The following RALB variants were observed in gnomAD, a reference collection of about 807,000 sequenced individuals.
The protein encoded by RALB is RAS like proto-oncogene B, also known as ras-related protein Ral-B.
RALB carries 16 observed loss-of-function variants against 21.3 expected under a neutral mutation model. That is an observed-to-expected ratio of 0.75 (90% CI 0.51 to 1.14). RALB has a LOEUF of 1.14. RALB is among the 50% of genes most tolerant of loss of function. The pLI, the probability that RALB is intolerant of heterozygous loss-of-function variation, is 0.00. For missense variants in RALB, 161 were observed against 256.2 expected, an observed-to-expected ratio of 0.63 and a Z score of 2.54; for synonymous variants, 93 against 96.1, an observed-to-expected ratio of 0.97 and a Z score of 0.19.
chr2:120,256,870 T>C (rs1023913176), intron 1 of RALB, among the ~76,000 whole-genome samples: 3 of 152,174 alleles, frequency 2.0e-5, no homozygotes, highest in Non-Finnish European at 2.9e-5. Context: ...CACAACTTTT[T>C]TAAGGTTTAG....
chr2:120,268,964 A>T (rs190600753), intron 1 of RALB, among the ~76,000 whole-genome samples: 9 of 152,236 alleles, frequency 5.9e-5, no homozygotes, highest in Non-Finnish European at 1.3e-4. Context: ...ACATTGTATT[A>T]TATGTTTTCT....
chr2:120,248,166 T>C (rs918367767), upstream of RALB, among the ~76,000 whole-genome samples: 1 of 152,158 alleles, frequency 6.6e-6, no homozygotes, highest in Non-Finnish European at 1.5e-5. Flanking sequence ...GAATGGCTGT[T>C]CCCCCATCTG....
At chr2:120,240,108 T>A in exon 1 of RALB, 1 of 1,289,704 alleles carries the variant, frequency 7.8e-7, no homozygotes, top group South Asian at 1.2e-5. Flanking sequence ...GGTCTCTGCA[T>A]GAAACAGCGG....
chr2:120,293,429 A>T lies in RALB; in HGVS notation c.*169A>T. The T allele has an allele frequency of 1.6e-6, 1 of 614,620 alleles. No homozygotes were observed. Among genetic ancestry groups the T allele is most frequent in the Non-Finnish European group, 2.4e-6 (1 of 414,140 alleles). 38.1% of individuals were successfully genotyped at this position (614,620 alleles called of 1,614,324 possible). A position where few individuals can be genotyped will look rare whatever the true frequency, so the allele number is the denominator to read the frequency against. On this transcript the variant is annotated 3_prime_UTR_variant, in exon 5 of 5. Transcript: ENST00000272519. ...TTGTGACTCTGTGGCTGGCAGAAGAAATAAGCCCATGCAAGTGGAAGGGCT... is the reference window on the plus strand; with the variant it reads ...TTGTGACTCTGTGGCTGGCAGAAGATATAAGCCCATGCAAGTGGAAGGGCT...
At chr2:120,283,884 CA>C (rs1690057352) in intron 2 of RALB, among the ~76,000 whole-genome samples, 1 of 152,124 alleles carries the variant, frequency 6.6e-6, no homozygotes, top group Non-Finnish European at 1.5e-5. Context: ...AAATAAACAT[CA>C]GGGTTGTAAT....
intron 4 of RALB, among the ~76,000 whole-genome samples, chr2:120,290,072 C>G (rs1690270655): frequency 6.6e-6 from 1 of 152,126 alleles, no homozygotes; most frequent in African/African-American, 2.4e-5. Context: ...GATCTCAGTT[C>G]ACTGCAACCT....
intron 1 of RALB, among the ~76,000 whole-genome samples, chr2:120,245,329 C>T (rs1688953460): frequency 1.3e-5 from 2 of 152,218 alleles, no homozygotes; most frequent in South Asian, 2.1e-4. Context: ...AGACATTGAA[C>T]TCTCAACCTG....
At chr2:120,277,919 T>C (rs1689873643) in intron 1 of RALB, among the ~76,000 whole-genome samples, 1 of 141,476 alleles carries the variant, frequency 7.1e-6, no homozygotes, top group African/African-American at 2.7e-5. Context: ...GAATGTGAGT[T>C]AATGTGAGCG....
In RALB at chr2:120,285,935, G is replaced by T; in HGVS notation, c.176G>T (p.Gly59Val). ...DSYRKKVVLD[G>V]EEVQIDILDT... Reference sequence around the variant, plus strand: ...TATAGAAAGAAAGTGGTTCTTGATGGGGAAGAAGTTCAGATAGATATTCTG... The same window carrying T: ...TATAGAAAGAAAGTGGTTCTTGATGTGGAAGAAGTTCAGATAGATATTCTG... The change falls in exon 3 of 5, where the codon GGG (glycine) becomes GTG (valine). Residue 59 changes from glycine to valine, a missense_variant. Physicochemically the swap from Gly to Val is moderately radical, Grantham distance 109. Coordinates refer to ENST00000272519, the MANE Select transcript of RALB (RefSeq NM_002881.3). 1 of 1,614,022 alleles carries T rather than the reference G, an allele frequency of 6.2e-7. No homozygotes were observed. Among genetic ancestry groups the T allele is most frequent in the South Asian group, 1.1e-5 (1 of 91,084 alleles).
intron 1 of RALB, among the ~76,000 whole-genome samples, chr2:120,240,297 T>A (rs996756511): frequency 2.0e-5 from 3 of 151,576 alleles, no homozygotes; most frequent in African/African-American, 4.9e-5. Flanking sequence ...ATTTTTATTT[T>A]TTTTTGAGAC....
intron 1 of RALB, among the ~76,000 whole-genome samples, chr2:120,265,555 C>A (rs908959664): frequency 7.9e-5 from 12 of 152,118 alleles, no homozygotes; most frequent in Non-Finnish European, 1.3e-4. Flanking sequence ...GCTTTCTGAC[C>A]CATAGATCTG....
At chr2:120,285,554 A>C (rs1008338772) in intron 2 of RALB, among the ~76,000 whole-genome samples, 16 of 128,350 alleles carry the variant, frequency 1.2e-4, no homozygotes, top group African/African-American at 5.0e-4. Context: ...ATGTACCCTA[A>C]AACTTAAAGT....
chr2:120,277,684 AGTG>A (rs1239572157), intron 1 of RALB, among the ~76,000 whole-genome samples: 73 of 15,516 alleles, frequency 4.7e-3, no homozygotes, highest in African/African-American at 6.5e-3. Context: ...ACGTGTTATG[AGTG>A]AAAGTGTGTA....
rs191974082 is a variant in RALB at position 120,290,353 on chromosome 2, G to C, written c.501+596G>C. ...GGGACGAGGCCATTGGTTTGTGAAG[G>C]CTGGGCTGGAGGGATGGACGTCATT... On this transcript the variant is annotated intron_variant, in intron 4 of 4. Transcript: ENST00000272519. 3.0e-4 allele frequency among the ~76,000 whole-genome samples: 45 copies of C among 152,348 alleles called. No individual in the cohort carries two copies. In the East Asian group the frequency reaches 8.1e-3, roughly 27 times the overall value.
intron 1 of RALB, among the ~76,000 whole-genome samples, chr2:120,247,590 G>A (rs1688991691): frequency 6.6e-6 from 1 of 152,192 alleles, no homozygotes; most frequent in African/African-American, 2.4e-5. Context: ...CCACAGTTTA[G>A]TGGCAATGAC....
At chr2:120,241,392 G>A (rs1378519211) in intron 1 of RALB, among the ~76,000 whole-genome samples, 2 of 152,236 alleles carry the variant, frequency 1.3e-5, no homozygotes, top group African/African-American at 2.4e-5. Flanking sequence ...CAAAGAGGAA[G>A]GAAACAGCCT....
upstream of RALB, among the ~76,000 whole-genome samples, chr2:120,251,615 G>C (rs1689058249): frequency 6.6e-6 from 1 of 152,202 alleles, no homozygotes; most frequent in African/African-American, 2.4e-5. Flanking sequence ...GAAAAGGTTT[G>C]GGTCTGATTC....
At position 120,268,443 on chromosome 2, in the gene RALB, T is replaced by C. The variant is rs539249982; in HGVS notation, c.-47-10175T>C. Among the ~76,000 whole-genome samples the C allele has an allele frequency of 1.9e-3, 290 of 152,360 alleles. 2 individuals carry two copies. In the Middle Eastern group the frequency reaches 0.024, roughly 13 times the overall value. ...AAATTTTCAAACATATACGAAGGTA[T>C]AGAGAATAGTACATAATGCGCTACC... On this transcript the variant is annotated intron_variant, in intron 1 of 4. Coordinates refer to ENST00000272519, the MANE Select transcript of RALB (RefSeq NM_002881.3).
intron 1 of RALB, among the ~76,000 whole-genome samples, chr2:120,242,852 G>A (rs1368926750): frequency 6.6e-6 from 1 of 152,134 alleles, no homozygotes; most frequent in Non-Finnish European, 1.5e-5. Flanking sequence ...GAGGTGGGAG[G>A]ATCACTTGAG....
Sources: gnomAD v4.1 joint callset for allele counts (sites outside exome capture counted in the v4.1 genomes callset) on GRCh38, gnomAD v4.1.1 for gene constraint, MANE v1.5 for transcripts, NCBI Gene and HGNC (gene_info 2026-07-23, HGNC 2026-07-21) for gene names.